The following CCDC60 variants were observed in gnomAD, a reference collection of about 807,000 sequenced individuals.
CCDC60 encodes the protein coiled-coil domain-containing protein 60.
CCDC60 carries 54 observed loss-of-function variants against 63.5 expected under a neutral mutation model. The observed-to-expected ratio is 0.85, with a 90% CI of 0.68 to 1.07. The LOEUF is 1.07. Ranked by LOEUF, CCDC60 falls within the 50% of genes least tolerant of loss-of-function variation. CCDC60 has a pLI of 0.00. For missense variants in CCDC60, 651 were observed against 684.3 expected (o/e 0.95, Z 0.54); for synonymous variants, 206 against 238.8 (o/e 0.86, Z 1.27).
chr12:119,507,431 TATATATATACAC>T (rs1228376336), intron 7 of CCDC60, among the ~76,000 whole-genome samples: 1 of 147,618 alleles, frequency 6.8e-6, no homozygotes, highest in Non-Finnish European at 1.5e-5. Context: ...TATATACGTG[TATATATATACAC>T]ATATATATAC....
chr12:119,424,356 G>A (rs1320959996), intron 1 of CCDC60, among the ~76,000 whole-genome samples: 1 of 152,168 alleles, frequency 6.6e-6, no homozygotes, highest in Non-Finnish European at 1.5e-5. Context: ...GCACTAAGTG[G>A]TAGCACCAAG....
chr12:119,380,947 A>G (rs1475870135), intron 1 of CCDC60, among the ~76,000 whole-genome samples: 3 of 152,224 alleles, frequency 2.0e-5, no homozygotes, highest in Non-Finnish European at 4.4e-5. Context: ...AATGAGCTCA[A>G]TTAGAGACAA....
chr12:119,498,169 A>G (rs1008296024), intron 5 of CCDC60, among the ~76,000 whole-genome samples: 4 of 152,090 alleles, frequency 2.6e-5, no homozygotes, highest in African/African-American at 9.7e-5. Flanking sequence ...TCAGATCTCC[A>G]TGCCATGAGA....
chr12:119,459,767 T>C (rs1950822078), intron 2 of CCDC60, among the ~76,000 whole-genome samples: 2 of 152,190 alleles, frequency 1.3e-5, no homozygotes, highest in African/African-American at 4.8e-5. Context: ...TTCAACTCCC[T>C]GTGGTTTCAT....
At chr12:119,367,944 A>G (rs1955857063) in intron 1 of CCDC60, among the ~76,000 whole-genome samples, 1 of 151,666 alleles carries the variant, frequency 6.6e-6, no homozygotes, top group African/African-American at 2.4e-5. Flanking sequence ...AGAATTGATC[A>G]TGGTGATGGT....
intron 1 of CCDC60, among the ~76,000 whole-genome samples, chr12:119,374,264 A>T (rs61938064): frequency 6.6e-6 from 1 of 152,218 alleles, no homozygotes; most frequent in Non-Finnish European, 1.5e-5. Context: ...TGAGGATTAA[A>T]TAGATTAAAA....
chr12:119,506,036 C>T (rs371312857), intron 7 of CCDC60, among the ~76,000 whole-genome samples: 6 of 151,946 alleles, frequency 3.9e-5, no homozygotes, highest in South Asian at 4.2e-4. Context: ...CCATAAAATT[C>T]GCTTATTTTA....
chr12:119,435,947 G>T (rs1210289060), intron 2 of CCDC60, among the ~76,000 whole-genome samples: 1 of 152,210 alleles, frequency 6.6e-6, no homozygotes, highest in Admixed American at 6.5e-5. Context: ...GTCTAGGATA[G>T]TCTTGGGCAG....
At chr12:119,441,085 T>C (rs747216246) in intron 2 of CCDC60, among the ~76,000 whole-genome samples, 9 of 152,178 alleles carry the variant, frequency 5.9e-5, no homozygotes, top group Non-Finnish European at 1.0e-4. Context: ...CAGGCAGAGC[T>C]CAGCACCAGG....
At chr12:119,501,065 G>A (rs1350709201) in intron 6 of CCDC60, among the ~76,000 whole-genome samples, 1 of 152,182 alleles carries the variant, frequency 6.6e-6, no homozygotes, top group Non-Finnish European at 1.5e-5. Context: ...GATAGGTAAA[G>A]GTAATAGAGC....
Position 119,359,777 on chromosome 12 carries a change from C to T in CCDC60, c.90+24511C>T, listed in dbSNP as rs187329431. Among the ~76,000 whole-genome samples, 1,341 of 152,180 alleles carry T rather than the reference C, an allele frequency of 8.8e-3. 75 individuals carry two copies. Among genetic ancestry groups the T allele is most frequent in the Admixed American group, 0.078 (1,187 of 15,278 alleles). On this transcript the variant is annotated intron_variant, in intron 1 of 13. Coordinates refer to ENST00000327554, the MANE Select transcript of CCDC60 (RefSeq NM_178499.5). ...CTTCAAGCATCTGTTTAACAAAGCA[C>T]GTCTTGCACCGCCCTTAATCCATTT...
intron 1 of CCDC60, among the ~76,000 whole-genome samples, chr12:119,369,390 T>G (rs192860041): frequency 6.6e-6 from 1 of 152,270 alleles, no homozygotes; most frequent in Admixed American, 6.5e-5. Context: ...GGGGGAAGCT[T>G]TCTAGTTTTA....
chr12:119,474,322 T>TCGTGCCA (rs1294266746), intron 3 of CCDC60, among the ~76,000 whole-genome samples: 10 of 152,212 alleles, frequency 6.6e-5, no homozygotes, highest in Admixed American at 5.9e-4. Flanking sequence ...AAAAATGAAA[T>TCGTGCCA]GGAAGCCACG....
chr12:119,424,877 G>T (rs1221904839), intron 1 of CCDC60, among the ~76,000 whole-genome samples: 2 of 152,084 alleles, frequency 1.3e-5, no homozygotes, highest in Non-Finnish European at 2.9e-5. Context: ...GTGAGGCTTG[G>T]GGGTGCGTGC....
rs482802 is a variant in CCDC60 at position 119,500,178 on chromosome 12, A to C, written c.648+10A>C. 1,123,637 of 1,580,636 alleles carry C rather than the reference A, an allele frequency of 0.71. 402,673 individuals carry two copies. Among genetic ancestry groups the C allele is most frequent in the African/African-American group, 0.9 (66,058 of 73,600 alleles). On this transcript the variant is annotated intron_variant, in intron 6 of 13. Coordinates refer to ENST00000327554, the MANE Select transcript of CCDC60 (RefSeq NM_178499.5). ...CATCACAGCGCCAAAGGTAACCAACAACACGCGACTCAACCCTTTGGCTCC... is the reference window on the plus strand; with the variant it reads ...CATCACAGCGCCAAAGGTAACCAACCACACGCGACTCAACCCTTTGGCTCC...
At chr12:119,516,433 G>A (rs3847973) in intron 7 of CCDC60, among the ~76,000 whole-genome samples, 190 bp from the exon 8 acceptor site, 20,037 of 152,164 alleles carry the variant, frequency 0.13, 1,377 homozygotes, top group East Asian at 0.23. Flanking sequence ...AAGCAGGGGC[G>A]TGGCATGGTC....
At chr12:119,391,461 T>A (rs917782934) in intron 1 of CCDC60, among the ~76,000 whole-genome samples, 1 of 152,244 alleles carries the variant, frequency 6.6e-6, no homozygotes, top group Non-Finnish European at 1.5e-5. Flanking sequence ...CTGATCTGGA[T>A]TGGAGAGTCA....
At chr12:119,367,357 G>A (rs374229276) in intron 1 of CCDC60, among the ~76,000 whole-genome samples, 5 of 152,096 alleles carry the variant, frequency 3.3e-5, no homozygotes, top group Non-Finnish European at 7.4e-5. Context: ...AAAAGCCCTC[G>A]AGTCTCCTTT....
intron 9 of CCDC60, among the ~76,000 whole-genome samples, chr12:119,521,866 C>T (rs575337660): frequency 6.6e-6 from 1 of 152,296 alleles, no homozygotes; most frequent in African/African-American, 2.4e-5. Context: ...TGGTTGGAAT[C>T]CAAAATCAAG....
Sources: allele counts gnomAD v4.1 joint callset (sites outside exome capture counted in the v4.1 genomes callset), GRCh38; gene constraint gnomAD v4.1.1; transcripts MANE v1.5; gene names NCBI Gene and HGNC (gene_info 2026-07-23, HGNC 2026-07-21).